The following SYNJ2BP variants were observed in gnomAD, a reference collection of about 807,000 sequenced individuals.
SYNJ2BP encodes the protein synaptojanin 2 binding protein, also known as synaptojanin-2-binding protein.
Under a neutral mutation model 16.9 loss-of-function variants are expected in SYNJ2BP, and 10 were observed. That is an observed-to-expected ratio of 0.59 (90% CI 0.36 to 1.00). The LOEUF (loss-of-function observed/expected upper bound fraction) is 1.00, where lower values mean the gene tolerates loss of function less well. Among genes scored for constraint, SYNJ2BP ranks in the 50% least tolerant of loss-of-function variants. SYNJ2BP has a pLI of 0.01. For missense variants in SYNJ2BP, 162 were observed against 186.7 expected (o/e 0.87, Z 0.77); for synonymous variants, 54 against 68.4 (o/e 0.79, Z 1.04).
At chr14:70,398,377 C>T (rs1050588804) in intron 1 of SYNJ2BP, among the ~76,000 whole-genome samples, 6 of 152,172 alleles carry the variant, frequency 3.9e-5, no homozygotes, top group Non-Finnish European at 7.4e-5. Flanking sequence ...CCATCCATGG[C>T]GACCAGCCTG....
Position 70,375,723 on chromosome 14 carries a change from G to A in SYNJ2BP, c.250C>T (p.Leu84Phe), listed in dbSNP as rs778320534. 4.3e-6 allele frequency: 7 copies of A among 1,614,102 alleles called. No homozygotes were observed. The Admixed American group carries it at 1.2e-4, about 27-fold the overall frequency. The change falls in exon 3 of 4, where the codon CTC becomes TTC. Residue 84 changes from leucine to phenylalanine, a missense_variant. Physicochemically the swap from Leu to Phe is conservative, Grantham distance 22. Transcript: ENST00000256366. ...KNLLHQDAVD[L>F]FRNAGYAVSL... ...ACAGCATAGCCTGCATTACGAAAGAGGTCTACAGCATCCTGGTGCAGCAGG... is the reference window on the plus strand; with the variant it reads ...ACAGCATAGCCTGCATTACGAAAGAAGTCTACAGCATCCTGGTGCAGCAGG...
intron 2 of SYNJ2BP, among the ~76,000 whole-genome samples, chr14:70,378,484 T>C (rs1279495648): frequency 6.9e-6 from 1 of 144,606 alleles, no homozygotes; most frequent in Non-Finnish European, 1.5e-5. Context: ...GCTGTCACAG[T>C]GGTGTGATCA....
At chr14:70,398,783 G>T (rs1566621789) in intron 1 of SYNJ2BP, among the ~76,000 whole-genome samples, 1 of 152,166 alleles carries the variant, frequency 6.6e-6, no homozygotes, top group Non-Finnish European at 1.5e-5. Context: ...CACAGCCTGG[G>T]GTGGGGGCTC....
rs1047568219 is a variant in SYNJ2BP at position 70,370,102 on chromosome 14, G to C, written c.*2889C>G. The C allele has an allele frequency of 6.6e-6, 1 of 152,164 alleles. No homozygotes were observed. The highest frequency in any genetic ancestry group is 2.4e-5 in the African/African-American group (1 of 41,434). The allele number at this position is 152,164 out of a possible 1,614,324, so 9.4% of individuals were successfully genotyped here. A position where few individuals can be genotyped will look rare whatever the true frequency, so the allele number is the denominator to read the frequency against. ...ATTTCTGAGAAAACCTAAGTTATAA[G>C]AGTACATCAGAATCTCTATTATCAA... On this transcript the variant is annotated 3_prime_UTR_variant, in exon 4 of 4. Transcript: ENST00000256366.
chr14:70,377,977 G>A (rs913517320), intron 2 of SYNJ2BP, among the ~76,000 whole-genome samples: 2 of 152,190 alleles, frequency 1.3e-5, no homozygotes, highest in Non-Finnish European at 1.5e-5. Context: ...AGGTAGAAGG[G>A]AAGAACATGT....
At chr14:70,393,415 G>T (rs1192629365) in intron 1 of SYNJ2BP, among the ~76,000 whole-genome samples, 1 of 152,090 alleles carries the variant, frequency 6.6e-6, no homozygotes, top group Non-Finnish European at 1.5e-5. Flanking sequence ...GGATCTAGAA[G>T]CAGAAATACC....
At chr14:70,405,666 C>G (rs1420600053) in intron 1 of SYNJ2BP, among the ~76,000 whole-genome samples, 3 of 152,086 alleles carry the variant, frequency 2.0e-5, no homozygotes, top group Admixed American at 6.5e-5. Flanking sequence ...CTTGTGTGTT[C>G]AAAGCTGATT....
At chr14:70,414,335 G>C (rs1225422686) in intron 1 of SYNJ2BP, among the ~76,000 whole-genome samples, 1 of 152,172 alleles carries the variant, frequency 6.6e-6, no homozygotes, top group Non-Finnish European at 1.5e-5. Context: ...AAGCCACTGA[G>C]TGAATAAATA....
At chr14:70,397,647 G>C (rs1234842985) in intron 1 of SYNJ2BP, among the ~76,000 whole-genome samples, 1 of 152,186 alleles carries the variant, frequency 6.6e-6, no homozygotes, top group African/African-American at 2.4e-5. Context: ...GAGATGCCAG[G>C]AACCGTAGGG....
At chr14:70,406,080 G>A (rs549114138) in intron 1 of SYNJ2BP, among the ~76,000 whole-genome samples, 2 of 152,202 alleles carry the variant, frequency 1.3e-5, no homozygotes, top group African/African-American at 4.8e-5. Flanking sequence ...AGGAACCCCT[G>A]GAAGTCCAAC....
intron 1 of SYNJ2BP, among the ~76,000 whole-genome samples, chr14:70,396,989 A>T (rs1316713516): frequency 1.3e-5 from 2 of 152,206 alleles, no homozygotes; most frequent in Non-Finnish European, 2.9e-5. Flanking sequence ...TTTACTTTTA[A>T]TGAAGCCCGG....
At chr14:70,373,614 A>G (rs1182699142) in intron 3 of SYNJ2BP, among the ~76,000 whole-genome samples, 3 of 152,210 alleles carry the variant, frequency 2.0e-5, no homozygotes, top group Non-Finnish European at 4.4e-5. Flanking sequence ...GTCCAATGCC[A>G]TTACTTGAAA....
chr14:70,390,219 G>T (rs968644070), intron 1 of SYNJ2BP, among the ~76,000 whole-genome samples: 1 of 152,142 alleles, frequency 6.6e-6, no homozygotes, highest in African/African-American at 2.4e-5. Context: ...AACTTCTCTA[G>T]GGCTTTCTTA....
At chr14:70,393,965 TAAA>T (rs71105707) in intron 1 of SYNJ2BP, among the ~76,000 whole-genome samples, 1 of 135,708 alleles carries the variant, frequency 7.4e-6, no homozygotes, top group Non-Finnish European at 1.5e-5. Context: ...AACTTAAAAT[TAAA>T]AAAAAAAAAA....
chr14:70,388,308 A>G (rs1887904299), intron 2 of SYNJ2BP, among the ~76,000 whole-genome samples, 162 bp downstream of exon 2: 2 of 152,252 alleles, frequency 1.3e-5, no homozygotes, highest in Admixed American at 6.5e-5. Context: ...TCCATGCTCA[A>G]TGATAGGGTT....
At chr14:70,398,658 AC>A (rs1326420019) in intron 1 of SYNJ2BP, among the ~76,000 whole-genome samples, 1 of 152,094 alleles carries the variant, frequency 6.6e-6, no homozygotes, top group Non-Finnish European at 1.5e-5. Context: ...TGCAGGGGGA[AC>A]CTTCCTGGGC....
rs1050532514 is a variant in SYNJ2BP, at chr14:70,371,976, GCC to G, written c.*1013_*1014del. Reference sequence around the variant, plus strand: ...AGGTATCAAAAAAGTCACTAGGGCAGCCCAGAGATTGGTACGATTTACCTTTA... The same window carrying G: ...AGGTATCAAAAAAGTCACTAGGGCAGCAGAGATTGGTACGATTTACCTTTA... On this transcript the variant is annotated 3_prime_UTR_variant, in exon 4 of 4. Coordinates refer to ENST00000256366, the MANE Select transcript of SYNJ2BP (RefSeq NM_018373.3). 1 of 152,174 alleles carries G rather than the reference GCC, an allele frequency of 6.6e-6. No individual in the cohort carries two copies. Among genetic ancestry groups the G allele is most frequent in the African/African-American group, 2.4e-5 (1 of 41,418 alleles). 9.4% of individuals were successfully genotyped at this position (152,174 alleles called of 1,614,324 possible).
At chr14:70,373,344 T>C (rs74065327) in intron 3 of SYNJ2BP, among the ~76,000 whole-genome samples, 2,331 of 152,254 alleles carry the variant, frequency 0.015, 35 homozygotes, top group South Asian at 0.035. Flanking sequence ...TGGGGAGGCA[T>C]TTAACCTTGC....
chr14:70,389,603 A>C (rs923173125), intron 1 of SYNJ2BP, among the ~76,000 whole-genome samples: 1 of 152,212 alleles, frequency 6.6e-6, no homozygotes, highest in Non-Finnish European at 1.5e-5. Context: ...GGATTTTGGA[A>C]TATTTGAATT....
Sources: gnomAD v4.1 joint callset for allele counts (sites outside exome capture counted in the v4.1 genomes callset) on GRCh38, gnomAD v4.1.1 for gene constraint, MANE v1.5 for transcripts, NCBI Gene and HGNC (gene_info 2026-07-23, HGNC 2026-07-21) for gene names.